The following KCMF1 variants were observed in gnomAD, a reference collection of about 807,000 sequenced individuals.
KCMF1 encodes E3 ubiquitin-protein ligase KCMF1.
KCMF1 carries 3 observed loss-of-function variants against 41.1 expected under a neutral mutation model. The ratio of observed to expected loss-of-function variants is 0.07; its 90% CI spans 0.03 to 0.19. KCMF1 has a LOEUF of 0.19. KCMF1 is among the 10% of genes least tolerant of loss of function. The pLI is 1.00. For missense variants in KCMF1, 286 were observed against 488.9 expected, an observed-to-expected ratio of 0.58 and a Z score of 3.91; for synonymous variants, 142 against 164.5, an observed-to-expected ratio of 0.86 and a Z score of 1.04.
intron 6 of KCMF1, among the ~76,000 whole-genome samples, chr2:85,052,855 T>C (rs1675839675): frequency 6.6e-6 from 1 of 152,228 alleles, no homozygotes; most frequent in Non-Finnish European, 1.5e-5. Context: ...CCTGTTTTCC[T>C]TAGAAAATTT....
intron 1 of KCMF1, among the ~76,000 whole-genome samples, chr2:84,995,974 A>G (rs190658246): frequency 6.6e-6 from 1 of 152,230 alleles, no homozygotes; most frequent in African/African-American, 2.4e-5. Context: ...GCAAGTCCAT[A>G]ACAGACATGT....
At chr2:85,042,466 T>A (rs1675562295) in intron 3 of KCMF1, among the ~76,000 whole-genome samples, 1 of 152,200 alleles carries the variant, frequency 6.6e-6, no homozygotes, top group Non-Finnish European at 1.5e-5. Context: ...ACAATAAGGT[T>A]GACCAATTGC....
intron 1 of KCMF1, among the ~76,000 whole-genome samples, chr2:85,010,500 A>G (rs1356336385): frequency 6.6e-6 from 1 of 152,192 alleles, no homozygotes; most frequent in African/African-American, 2.4e-5. Flanking sequence ...CCTTATTTTC[A>G]CAAAATTATG....
rs1003997131 is a variant in KCMF1, at chr2:85,055,131, C to A, written c.*1722C>A. 5 of 149,030 alleles carry A rather than the reference C, an allele frequency of 3.4e-5. No homozygotes were observed. Among genetic ancestry groups the A allele is most frequent in the Non-Finnish European group, 7.4e-5 (5 of 67,982 alleles). 9.2% of individuals were successfully genotyped at this position (149,030 alleles called of 1,614,324 possible). On this transcript the variant is annotated 3_prime_UTR_variant, in exon 7 of 7. Transcript: ENST00000409785. ...AGAAGTCAAGCCCATTAGGGATTTT[C>A]ATTTTTTTTCATTTGGTTGTTGAGA... is the stretch of plus-strand genomic sequence containing the variant.
intron 3 of KCMF1, among the ~76,000 whole-genome samples, chr2:85,036,845 A>AATAT (rs1203612173): frequency 6.7e-5 from 10 of 148,434 alleles, no homozygotes; most frequent in Admixed American, 2.0e-4. Flanking sequence ...TATATTAATA[A>AATAT]ATATATAACA....
Position 84,977,583 on chromosome 2 carries a change from CT to C in KCMF1, c.16+6129del, listed in dbSNP as rs772731086. On this transcript the variant is annotated intron_variant, in intron 1 of 6. Transcript: ENST00000409785. ...CCACAGGTGTGCGCCCCACACCCGACTTTTTTTTTTTTTCTTTTTTGTAGAG... is the reference window on the plus strand; with the variant it reads ...CCACAGGTGTGCGCCCCACACCCGACTTTTTTTTTTTTCTTTTTTGTAGAG... Among the ~76,000 whole-genome samples, 254 of 144,442 alleles carry C rather than the reference CT, an allele frequency of 1.8e-3. 1 individual carries two copies. Among genetic ancestry groups the C allele is most frequent in the Middle Eastern group, 0.014 (4 of 276 alleles). The allele number at this position is 144,442 out of a possible 152,430, so 94.8% of individuals were successfully genotyped here.
chr2:85,041,759 G>GTA (rs1558585209), intron 3 of KCMF1, among the ~76,000 whole-genome samples: 3 of 142,384 alleles, frequency 2.1e-5, no homozygotes, highest in Admixed American at 7.0e-5. Flanking sequence ...AACATTGCTG[G>GTA]TCTTTTTTTT....
intron 1 of KCMF1, among the ~76,000 whole-genome samples, chr2:84,991,409 A>G (rs1201833734): frequency 6.6e-6 from 1 of 152,224 alleles, no homozygotes; most frequent in Non-Finnish European, 1.5e-5. Context: ...ATATGAATAA[A>G]TACATGCTCA....
chr2:85,001,448 T>C (rs1181594895), intron 1 of KCMF1, among the ~76,000 whole-genome samples: 1 of 152,190 alleles, frequency 6.6e-6, no homozygotes, highest in Admixed American at 6.5e-5. Context: ...TGTGAGTCAC[T>C]GCACCTGGCC....
chr2:85,008,325 TATAATATATAATATG>T (rs1441448519), intron 1 of KCMF1, among the ~76,000 whole-genome samples: 9 of 102,434 alleles, frequency 8.8e-5, no homozygotes, highest in African/African-American at 2.9e-4. Context: ...ATATATCATA[TATAATATATAATATG>T]ATATATAATA....
intron 1 of KCMF1, among the ~76,000 whole-genome samples, chr2:85,013,238 T>C (rs1472173877): frequency 6.6e-6 from 1 of 152,194 alleles, no homozygotes; most frequent in Non-Finnish European, 1.5e-5. Flanking sequence ...AAAATTTTGG[T>C]TGCTAGAAAT....
intron 4 of KCMF1, 132 bp downstream of exon 4, chr2:85,043,797 G>A: frequency 2.9e-6 from 2 of 679,592 alleles, no homozygotes; most frequent in South Asian, 1.6e-5. Context: ...TGATCCTCCT[G>A]CTTCAGCCTC....
chr2:85,046,782 T>C (rs2104061066), intron 5 of KCMF1, among the ~76,000 whole-genome samples: 1 of 152,292 alleles, frequency 6.6e-6, no homozygotes, highest in Non-Finnish European at 1.5e-5. Context: ...CATACTCTTC[T>C]GGCATTGCTT....
At chr2:85,037,867 G>A (rs1450640621) in intron 3 of KCMF1, among the ~76,000 whole-genome samples, 2 of 152,164 alleles carry the variant, frequency 1.3e-5, no homozygotes, top group African/African-American at 2.4e-5. Context: ...GTGGGCCAGC[G>A]GACATTACCG....
chr2:85,047,127 AG>A (rs1405858173), intron 5 of KCMF1, among the ~76,000 whole-genome samples: 1 of 152,150 alleles, frequency 6.6e-6, no homozygotes, highest in Non-Finnish European at 1.5e-5. Context: ...CTGCAGGTAA[AG>A]GGAGACTACT....
intron 2 of KCMF1, among the ~76,000 whole-genome samples, chr2:85,030,710 G>GT (rs1303350187): frequency 2.0e-5 from 3 of 152,058 alleles, no homozygotes; most frequent in African/African-American, 4.8e-5. Flanking sequence ...GTTTTTGTTT[G>GT]TTTTTTGACA....
intron 3 of KCMF1, among the ~76,000 whole-genome samples, chr2:85,037,190 A>T (rs1364643577): frequency 1.3e-5 from 2 of 152,068 alleles, no homozygotes; most frequent in African/African-American, 4.8e-5. Flanking sequence ...CTCTATTTTC[A>T]TATTGGTTTT....
At chr2:84,985,774 A>C (rs1673886100) in intron 1 of KCMF1, among the ~76,000 whole-genome samples, 1 of 151,130 alleles carries the variant, frequency 6.6e-6, no homozygotes, top group South Asian at 2.1e-4. Context: ...GGTTGCAGTG[A>C]GCCGAGATTG....
chr2:85,031,284 A>C (rs527408075), intron 2 of KCMF1, among the ~76,000 whole-genome samples: 1 of 152,170 alleles, frequency 6.6e-6, no homozygotes, highest in Non-Finnish European at 1.5e-5. Flanking sequence ...ATATGCTTCC[A>C]TTTTTGTAGG....
Sources: gnomAD v4.1 joint callset for allele counts (sites outside exome capture counted in the v4.1 genomes callset) on GRCh38, gnomAD v4.1.1 for gene constraint, MANE v1.5 for transcripts, NCBI Gene and HGNC (gene_info 2026-07-23, HGNC 2026-07-21) for gene names.